EHBP1L1: variants seen among roughly 807,000 people sequenced by gnomAD.
The protein encoded by EHBP1L1 is EH domain-binding protein 1-like protein 1.
Under a neutral mutation model 151.1 loss-of-function variants are expected in EHBP1L1, and 122 were observed. The ratio of observed to expected loss-of-function variants is 0.81; its 90% confidence interval spans 0.70 to 0.94. The LOEUF (loss-of-function observed/expected upper bound fraction) is 0.94. Ranked by LOEUF, EHBP1L1 falls within the 40% of genes least tolerant of loss-of-function variation. The probability of loss-of-function intolerance (pLI) is 0.00; values close to 1 mark genes in which losing one functional copy is unlikely to be tolerated. For synonymous variants in EHBP1L1, 878 were observed against 810.1 expected (o/e 1.08, Z -1.42); for missense variants, 1,941 against 1,959.8 (o/e 0.99, Z 0.18).
At chr11:65,583,804 C>T in intron 9 of EHBP1L1, 39 bp downstream of exon 9, 3 of 1,448,990 alleles carry the variant, frequency 2.1e-6, no homozygotes, top group Non-Finnish European at 1.8e-6. Flanking sequence ...TCTGCTGCTT[C>T]CCACTAACCT....
At chr11:65,579,826 C>CAAA (rs558637567) in intron 3 of EHBP1L1, 110 bp from the exon 4 acceptor site, 665 of 896,286 alleles carry the variant, frequency 7.4e-4, no homozygotes, top group South Asian at 1.5e-3. Flanking sequence ...GACTCCGTCT[C>CAAA]AAAAAAAAAA....
At position 65,584,987 on chromosome 11, in the gene EHBP1L1, T is replaced by C. The variant is rs201744720; in HGVS notation, c.3329T>C (p.Val1110Ala). The C allele has an allele frequency of 1.8e-4, 281 of 1,534,128 alleles. No homozygotes were observed. Among genetic ancestry groups the C allele is most frequent in the Non-Finnish European group, 2.3e-4 (261 of 1,146,198 alleles). Residue 1110 changes from valine (V) to alanine (A), a missense_variant, in exon 12 of 19, where the codon GTG (valine) becomes GCG (alanine). Transcript: ENST00000309295. Reference protein sequence around the residue: ...QAFDGFAALGVSRLLEPADMV... With the variant: ...QAFDGFAALGASRLLEPADMV... ...TTCGATGGCTTCGCGGCTCTGGGCG[T>C]GTCGCGGCTGCTGGAGCCCGCGGAC...
Position 65,592,028 on chromosome 11 carries a change from G to A in EHBP1L1, c.4410G>A (p.Glu1470=), listed in dbSNP as rs1858345699. The A allele has an allele frequency of 6.2e-7, 1 of 1,613,322 alleles. No individual in the cohort carries two copies. Among genetic ancestry groups the A allele is most frequent in the Non-Finnish European group, 8.5e-7 (1 of 1,179,712 alleles). ...QQHREQLLLE[E]LVSLVNQRDE... ...ACCGAGAGCAGCTCCTACTGGAGGA[G>A]CTGGTGTCGCTGGTGAACCAGCGCG... is the stretch of plus-strand genomic sequence containing the variant. Residue 1470 remains glutamate (E), a synonymous_variant, in exon 18 of 19, where the codon GAG becomes GAA. Coordinates refer to ENST00000309295, the MANE Select transcript of EHBP1L1 (RefSeq NM_001099409.3).
chr11:65,577,824 C>T (rs184665381), intron 1 of EHBP1L1, among the ~76,000 whole-genome samples: 14 of 152,308 alleles, frequency 9.2e-5, no homozygotes, highest in Admixed American at 3.9e-4. Flanking sequence ...TGGCTCCAAA[C>T]CTCTGTGGGC....
At position 65,582,043 on chromosome 11, in the gene EHBP1L1, T is replaced by C; in HGVS notation, c.1371T>C (p.Ala457=). The C allele has an allele frequency of 6.2e-7, 1 of 1,613,224 alleles. No homozygotes were observed. The highest frequency in any genetic ancestry group is 8.5e-7 in the Non-Finnish European group (1 of 1,179,756). Residue 457 remains alanine, a synonymous_variant, in exon 9 of 19, where the codon GCT becomes GCC. Transcript: ENST00000309295. ...CAAGATGCAGGGGGACCCCTGAGGC[T>C]CCTCCAAGGGGCTCTCAGGGGAGGC... is the stretch of plus-strand genomic sequence containing the variant. ...PEARCRGTPE[A]PPRGSQGRLG...
At chr11:65,577,503 G>A (rs1857387327) in intron 1 of EHBP1L1, among the ~76,000 whole-genome samples, 1 of 152,222 alleles carries the variant, frequency 6.6e-6, no homozygotes, top group Non-Finnish European at 1.5e-5. Flanking sequence ...GGGCACAGCA[G>A]GCTGAGGGTG....
intron 3 of EHBP1L1, 47 bp downstream of exon 3, chr11:65,579,483 G>T: frequency 1.4e-6 from 2 of 1,388,782 alleles, no homozygotes; most frequent in African/African-American, 2.9e-5. Context: ...AACACAGGCA[G>T]TTGCAACAAT....
In EHBP1L1 at chr11:65,576,239, G is replaced by A; in HGVS notation, c.-64G>A. On this transcript the variant is annotated 5_prime_UTR_variant, in exon 1 of 19. Coordinates refer to ENST00000309295, the MANE Select transcript of EHBP1L1 (RefSeq NM_001099409.3). ...GACAGGCCATGGGGACCCGGGCCGG[G>A]CCAGCGGTGGCGGGCCAGCGGGAGC... is the stretch of plus-strand genomic sequence containing the variant. 1.4e-6 allele frequency: 2 copies of A among 1,459,328 alleles called. No individual in the cohort carries two copies. Among genetic ancestry groups the A allele is most frequent in the South Asian group, 1.3e-5 (1 of 75,748 alleles). 90.4% of individuals were successfully genotyped at this position (1,459,328 alleles called of 1,614,324 possible). A position where few individuals can be genotyped will look rare whatever the true frequency, so the allele number is the denominator to read the frequency against.
chr11:65,590,238 C>G (rs781565099), intron 15 of EHBP1L1, 28 bp downstream of exon 15: 2 of 1,610,040 alleles, frequency 1.2e-6, no homozygotes, highest in Non-Finnish European at 1.7e-6. Flanking sequence ...GGATCCCTTC[C>G]CCAACACATG....
chr11:65,592,036 C>A lies in EHBP1L1; in HGVS notation c.4418C>A (p.Ser1473Ter). 2 of 1,613,398 alleles carry A rather than the reference C, an allele frequency of 1.2e-6. No individual in the cohort carries two copies. The highest frequency in any genetic ancestry group is 2.2e-5 in the South Asian group (2 of 91,048). Residue 1473 changes from serine (S) to a stop codon, truncating the protein, a stop_gained, in exon 18 of 19, where the codon TCG becomes TAG. Transcript: ENST00000309295. LOFTEE classifies it high-confidence loss of function. ...REQLLLEELV[S>*]LVNQRDELVR... The stretch of plus-strand genomic sequence containing the variant: ...CAGCTCCTACTGGAGGAGCTGGTGT[C>A]GCTGGTGAACCAGCGCGATGAGCTA...
At position 65,583,592 on chromosome 11, in the gene EHBP1L1, G is replaced by A. The variant is rs1370467168; in HGVS notation, c.2920G>A (p.Ala974Thr). ...SPENKSGTFK[A>T]QEAEAGVLGN... is the part of the protein sequence containing the mutation. ...AGAGAACAAATCTGGTACTTTTAAG[G>A]CCCAGGAAGCGGAGGCTGGGGTCTT... is the stretch of plus-strand genomic sequence containing the variant. The change falls in exon 9 of 19, where the codon GCC becomes ACC. Residue 974 changes from alanine to threonine, a missense_variant. Coordinates refer to ENST00000309295, the MANE Select transcript of EHBP1L1 (RefSeq NM_001099409.3). The A allele has an allele frequency of 6.2e-7, 1 of 1,607,674 alleles. No homozygotes were observed. The highest frequency in any genetic ancestry group is 1.7e-5 in the Admixed American group (1 of 59,222).
At position 65,592,435 on chromosome 11, in the gene EHBP1L1, C is replaced by T. The variant is rs1176177208; in HGVS notation, c.*133C>T. ...GCTAGGGGCCGCCGGCGCCCTTCCC[C>T]GTACAGGGCAGGGCGGATCCCCGAC... On this transcript the variant is annotated 3_prime_UTR_variant, in exon 19 of 19. Transcript: ENST00000309295. The T allele has an allele frequency of 1.2e-4, 70 of 581,654 alleles. No individual in the cohort carries two copies. Among genetic ancestry groups the T allele is most frequent in the Non-Finnish European group, 1.5e-4 (67 of 444,286 alleles). 36.0% of individuals were successfully genotyped at this position (581,654 alleles called of 1,614,324 possible).
At position 65,592,314 on chromosome 11, in the gene EHBP1L1, C is replaced by T. The variant is rs958021091; in HGVS notation, c.*12C>T. The T allele has an allele frequency of 4.8e-6, 7 of 1,461,168 alleles. No individual in the cohort carries two copies. In the African/African-American group the frequency reaches 8.9e-5, roughly 19 times the overall value. The allele number at this position is 1,461,168 out of a possible 1,614,324, so 90.5% of individuals were successfully genotyped here. ...GCGTGCTGAGCTGAGGCCGCCGGCC[C>T]GGGTGGCCCATAACTTCTCGCGTCC... is the stretch of plus-strand genomic sequence containing the variant. On this transcript the variant is annotated 3_prime_UTR_variant, in exon 19 of 19. Coordinates refer to ENST00000309295, the MANE Select transcript of EHBP1L1 (RefSeq NM_001099409.3).
chr11:65,582,398 G>A lies in EHBP1L1; in HGVS notation c.1726G>A (p.Val576Met), dbSNP rs761450105. 2 of 1,604,742 alleles carry A rather than the reference G, an allele frequency of 1.2e-6. No individual in the cohort carries two copies. Among genetic ancestry groups the A allele is most frequent in the African/African-American group, 1.4e-5 (1 of 74,068 alleles). The change falls in exon 9 of 19, where the codon GTG becomes ATG. Residue 576 changes from valine (V) to methionine (M), a missense_variant. Val to Met is a conservative substitution (Grantham distance 21). Transcript: ENST00000309295. ...GSGDLETETE[V>M]VGLEVLGTQE... is the part of the protein sequence containing the mutation. ...AGGGGACCTGGAAACAGAGACTGAG[G>A]TGGTAGGGTTGGAGGTGCTGGGAAC...
At chr11:65,592,119 TGGGA>T in intron 18 of EHBP1L1, 29 bp downstream of exon 18, 1 of 1,611,306 alleles carries the variant, frequency 6.2e-7, no homozygotes, top group Non-Finnish European at 8.5e-7. Flanking sequence ...CGCTGGGAGT[TGGGA>T]GGGTCCGGGA....
At chr11:65,586,188 G>A (rs1406644705) in intron 12 of EHBP1L1, among the ~76,000 whole-genome samples, 4 of 152,200 alleles carry the variant, frequency 2.6e-5, no homozygotes, top group East Asian at 1.9e-4. Context: ...ATGTGAGATC[G>A]TGAGGGCCCG....
chr11:65,583,036 G>A lies in EHBP1L1; in HGVS notation c.2364G>A (p.Gly788=), dbSNP rs1857719229. ...EIASRDSGVP[G]LEADTTGIQV... Reference sequence around the variant, plus strand: ...CATCTAGGGATTCAGGGGTCCCAGGGTTAGAAGCTGATACAACAGGGATCC... The same window carrying A: ...CATCTAGGGATTCAGGGGTCCCAGGATTAGAAGCTGATACAACAGGGATCC... The change falls in exon 9 of 19, where the codon GGG becomes GGA. Residue 788 remains glycine, a synonymous_variant. Coordinates refer to ENST00000309295, the MANE Select transcript of EHBP1L1 (RefSeq NM_001099409.3). 3 of 1,613,124 alleles carry A rather than the reference G, an allele frequency of 1.9e-6. No homozygotes were observed. In the East Asian group the frequency reaches 6.7e-5, roughly 36 times the overall value.
chr11:65,581,270 C>T lies in EHBP1L1; in HGVS notation c.763C>T (p.Pro255Ser). 1.2e-6 allele frequency: 2 copies of T among 1,611,278 alleles called. No individual in the cohort carries two copies. Among genetic ancestry groups the T allele is most frequent in the Non-Finnish European group, 1.7e-6 (2 of 1,179,330 alleles). ...AGCCCCTGTGAGTGCTCCTGCACCC[C>T]CAGCCAGAACCTCCCGAGGCCAGGG... ...SPAPVSAPAP[P>S]ARTSRGQGSE... The change falls in exon 8 of 19, where the codon CCA becomes TCA. Residue 255 changes from proline (P) to serine (S), a missense_variant. Coordinates refer to ENST00000309295, the MANE Select transcript of EHBP1L1 (RefSeq NM_001099409.3).
rs762848410 is a variant in EHBP1L1 at position 65,582,460 on chromosome 11, G to C, written c.1788G>C (p.Glu596Asp). The change falls in exon 9 of 19, where the codon GAG becomes GAC. Residue 596 changes from glutamate (E) to aspartate (D), a missense_variant. Glu to Asp is a conservative substitution (Grantham distance 45). Transcript: ENST00000309295. ...EKEVEGSGFP[E>D]TRTLEIEILG... ...AAGTTGAGGGGTCAGGGTTCCCAGA[G>C]ACTAGGACACTAGAAATTGAGATAT... The C allele has an allele frequency of 1.9e-6, 3 of 1,612,968 alleles. No homozygotes were observed. Among genetic ancestry groups the C allele is most frequent in the Non-Finnish European group, 2.5e-6 (3 of 1,179,816 alleles).
Sources: gnomAD v4.1 joint callset for allele counts (sites outside exome capture counted in the v4.1 genomes callset) on GRCh38, gnomAD v4.1.1 for gene constraint, MANE v1.5 for transcripts, NCBI Gene and HGNC (gene_info 2026-07-23, HGNC 2026-07-21) for gene names.